The following NINJ1 variants were observed in gnomAD, a reference collection of about 807,000 sequenced individuals.
The protein encoded by NINJ1 is ninjurin-1.
A neutral mutation model predicts 12.7 loss-of-function variants in NINJ1; 6 were observed. The ratio of observed to expected loss-of-function variants is 0.47; its 90% CI spans 0.26 to 0.93. The LOEUF (loss-of-function observed/expected upper bound fraction) is 0.93, where lower values mean the gene tolerates loss of function less well. Among genes scored for constraint, NINJ1 ranks in the 40% least tolerant of loss-of-function variants. The probability of loss-of-function intolerance (pLI) is 0.15; values close to 1 mark genes in which losing one functional copy is unlikely to be tolerated. For synonymous variants in NINJ1, 100 were observed against 96.0 expected, an observed-to-expected ratio of 1.04 and a Z score of -0.25; for missense variants, 170 against 213.0, an observed-to-expected ratio of 0.80 and a Z score of 1.26.
chr9:93,126,384 C>T, intron 2 of NINJ1, 26 bp downstream of exon 2: 1 of 1,593,134 alleles, frequency 6.3e-7, no homozygotes, highest in South Asian at 1.1e-5. Flanking sequence ...AGCAGGTGGC[C>T]TGGCTGCCCC....
chr9:93,130,444 T>C (rs7018885), intron 1 of NINJ1, among the ~76,000 whole-genome samples: 52,041 of 152,100 alleles, frequency 0.34, 10,832 homozygotes, highest in African/African-American at 0.59. Flanking sequence ...AGGGCTTGGA[T>C]GGGAGGAGAC....
Position 93,124,934 on chromosome 9 carries a change from A to G in NINJ1, c.433T>C (p.Leu145=), listed in dbSNP as rs1449149266. The G allele has an allele frequency of 1.2e-6, 2 of 1,613,220 alleles. No homozygotes were observed. Among genetic ancestry groups the G allele is most frequent in the Admixed American group, 1.7e-5 (1 of 59,868 alleles). The change falls in exon 3 of 4, where the codon TTG becomes CTG. Residue 145 remains leucine (L), a synonymous_variant. Transcript: ENST00000375446. ...FITAFGVQKP[L]MDMAPQQ ...TACTGCTGGGGTGCCATGTCCATCA[A>G]GGGCTTCTGGACCCCGAAGGCCGTG...
rs1827774467 is a variant in NINJ1, at chr9:93,124,082, AAG to A, written c.*9+815_*9+816del. On this transcript the variant is annotated intron_variant, in intron 3 of 3. Transcript: ENST00000375446. ...GCAAGGGGCAGACTTGAAGAGTCAC[AAG>A]GGCTCCACGTGACAAGATCCTGAAT... Among the ~76,000 whole-genome samples, 3 of 152,240 alleles carry A rather than the reference AAG, an allele frequency of 2.0e-5. No homozygotes were observed. In the South Asian group the frequency reaches 6.2e-4, roughly 32 times the overall value.
chr9:93,134,099 A>T (rs773773814), intron 1 of NINJ1, 44 bp downstream of exon 1: 1 of 1,444,302 alleles, frequency 6.9e-7, no homozygotes, highest in Non-Finnish European at 9.3e-7. Context: ...CCCCGAAAGG[A>T]CAGGGCCTGG....
rs1012736732 is a variant in NINJ1 at position 93,121,853 on chromosome 9, C to T, written c.*387G>A. On this transcript the variant is annotated 3_prime_UTR_variant, in exon 4 of 4. Transcript: ENST00000375446. ...ACATCTCCTTGTCCTTCTGGAATGTCCTGAGACAGAGGCTGGCCCTGGTCA... is the reference window on the plus strand; with the variant it reads ...ACATCTCCTTGTCCTTCTGGAATGTTCTGAGACAGAGGCTGGCCCTGGTCA... The T allele has an allele frequency of 3.9e-5, 6 of 152,332 alleles. No individual in the cohort carries two copies. The highest frequency in any genetic ancestry group is 7.3e-5 in the Non-Finnish European group (5 of 68,128). The allele number at this position is 152,332 out of a possible 1,614,324, so 9.4% of individuals were successfully genotyped here.
At chr9:93,122,833 G>A (rs1000195074) in intron 3 of NINJ1, among the ~76,000 whole-genome samples, 1 of 152,226 alleles carries the variant, frequency 6.6e-6, no homozygotes, top group South Asian at 2.1e-4. Context: ...GCCCACAGAC[G>A]CAGCACCCTC....
chr9:93,123,776 T>C (rs1827769959), intron 3 of NINJ1, among the ~76,000 whole-genome samples: 1 of 152,222 alleles, frequency 6.6e-6, no homozygotes, highest in Non-Finnish European at 1.5e-5. Context: ...TCGCGGGGAC[T>C]GTGGTGTGTG....
At position 93,126,435 on chromosome 9, in the gene NINJ1, G is replaced by A. The variant is rs1432038143; in HGVS notation, c.279C>T (p.Gly93=). Residue 93 remains glycine, a synonymous_variant, in exon 2 of 4, where the codon GGC becomes GGT. Coordinates refer to ENST00000375446, the MANE Select transcript of NINJ1 (RefSeq NM_004148.4). ...LISISLVLQI[G]VGVLLIFLVK... is the part of the protein sequence containing the mutation. ...CAAGGAAGATGAGCAGCACCCCCAC[G>A]CCGATCTGCAGCACAAGGGAGATGG... The A allele has an allele frequency of 6.2e-6, 10 of 1,613,756 alleles. No individual in the cohort carries two copies. The highest frequency in any genetic ancestry group is 1.3e-5 in the African/African-American group (1 of 74,892).
chr9:93,124,596 CG>C (rs1827782625), intron 3 of NINJ1, among the ~76,000 whole-genome samples: 1 of 141,922 alleles, frequency 7.0e-6, no homozygotes, highest in Non-Finnish European at 1.5e-5. Flanking sequence ...TTTTTTTTAT[CG>C]GACAGACATT....
intron 1 of NINJ1, among the ~76,000 whole-genome samples, chr9:93,128,833 G>T (rs1281279714): frequency 6.6e-6 from 1 of 151,400 alleles, no homozygotes; most frequent in Non-Finnish European, 1.5e-5. Context: ...CCCCCAGAAA[G>T]ACACACATAG....
Position 93,126,587 on chromosome 9 carries a change from T to C in NINJ1, c.127A>G (p.Ser43Gly). The C allele has an allele frequency of 6.2e-7, 1 of 1,613,116 alleles. No homozygotes were observed. The highest frequency in any genetic ancestry group is 8.5e-7 in the Non-Finnish European group (1 of 1,179,540). The change falls in exon 2 of 4, where the codon AGC becomes GGC. Residue 43 changes from serine (S) to glycine (G), a missense_variant. Ser to Gly is a moderately conservative substitution (Grantham distance 56, BLOSUM62 0). Coordinates refer to ENST00000375446, the MANE Select transcript of NINJ1 (RefSeq NM_004148.4). ...HGPINVNHYA[S>G]KKSAAESMLD... ...ATGCTCTCGGCTGCGCTCTTCTTGC[T>C]GGCGTAATGGTTCACGTTGATGGGC...
At chr9:93,128,873 C>T (rs551783019) in intron 1 of NINJ1, among the ~76,000 whole-genome samples, 26 of 152,352 alleles carry the variant, frequency 1.7e-4, no homozygotes, top group African/African-American at 6.3e-4. Flanking sequence ...ACACAATACG[C>T]ACACACAAAT....
chr9:93,132,913 C>T (rs919703540), intron 1 of NINJ1, among the ~76,000 whole-genome samples: 3 of 152,216 alleles, frequency 2.0e-5, no homozygotes, highest in African/African-American at 7.2e-5. Flanking sequence ...AGCCACTGAC[C>T]TGTTTATTAC....
In NINJ1 at chr9:93,124,956, C is replaced by A. The variant is rs376766676; in HGVS notation, c.411G>T (p.Thr137=). ...TCAAGGGCTTCTGGACCCCGAAGGC[C>A]GTGATGAAGATGTTGACTACCACGA... is the stretch of plus-strand genomic sequence containing the variant. ...FIIVVVNIFI[T]AFGVQKPLMD... The change falls in exon 3 of 4, where the codon ACG becomes ACT. Residue 137 remains threonine, a synonymous_variant. Coordinates refer to ENST00000375446, the MANE Select transcript of NINJ1 (RefSeq NM_004148.4). 4.3e-6 allele frequency: 7 copies of A among 1,614,084 alleles called. No homozygotes were observed. Among genetic ancestry groups the A allele is most frequent in the Non-Finnish European group, 5.9e-6 (7 of 1,179,978 alleles).
At chr9:93,124,776 G>A (rs1217709660) in intron 3 of NINJ1, 123 bp downstream of exon 3, 3 of 1,065,134 alleles carry the variant, frequency 2.8e-6, no homozygotes, top group Non-Finnish European at 3.9e-6. Context: ...AGGTGTGGAC[G>A]AGGATGCCCA....
At chr9:93,129,577 C>G (rs1034630321) in intron 1 of NINJ1, among the ~76,000 whole-genome samples, 6 of 152,208 alleles carry the variant, frequency 3.9e-5, no homozygotes, top group African/African-American at 1.4e-4. Flanking sequence ...GCAAGCTCCC[C>G]CTCCGTTGGC....
intron 1 of NINJ1, among the ~76,000 whole-genome samples, chr9:93,132,377 T>C (rs1236717890): frequency 6.6e-6 from 1 of 152,186 alleles, no homozygotes; most frequent in East Asian, 1.9e-4. Flanking sequence ...TCGGCCTGGC[T>C]TCCCATCCCC....
intron 3 of NINJ1, among the ~76,000 whole-genome samples, chr9:93,124,636 T>C (rs1192774369): frequency 2.0e-5 from 3 of 152,030 alleles, no homozygotes; most frequent in Non-Finnish European, 2.9e-5. Flanking sequence ...TACGTTTAAG[T>C]GAGTTCTCCA....
chr9:93,126,507 T>G lies in NINJ1; in HGVS notation c.207A>C (p.Glu69Asp), dbSNP rs750690017. The G allele has an allele frequency of 1.2e-6, 2 of 1,614,038 alleles. No individual in the cohort carries two copies. The highest frequency in any genetic ancestry group is 3.3e-5 in the Admixed American group (2 of 60,002). Residue 69 changes from glutamate to aspartate, a missense_variant, in exon 2 of 4, where the codon GAA (glutamate) becomes GAC (aspartate). Transcript: ENST00000375446. ...ANASQLKAVVEQGPSFAFYVP... is the reference protein window; with the variant it reads ...ANASQLKAVVDQGPSFAFYVP... ...CATAGAAGGCGAAGCTGGGGCCCTGTTCCACGACGGCCTTCAGCTGGGACG... is the reference window on the plus strand; with the variant it reads ...CATAGAAGGCGAAGCTGGGGCCCTGGTCCACGACGGCCTTCAGCTGGGACG...
Sources: allele counts gnomAD v4.1 joint callset (sites outside exome capture counted in the v4.1 genomes callset), GRCh38; gene constraint gnomAD v4.1.1; transcripts MANE v1.5; gene names NCBI Gene and HGNC (gene_info 2026-07-23, HGNC 2026-07-21).